Variants in SLC4A3 observed in about 807,000 individuals in gnomAD.
SLC4A3 encodes the protein solute carrier family 4 member 3.
A neutral mutation model predicts 114.2 loss-of-function variants in SLC4A3; 47 were observed. The ratio of observed to expected loss-of-function variants is 0.41; its 90% CI spans 0.33 to 0.52. The LOEUF is 0.52. SLC4A3 is among the 20% of genes least tolerant of loss of function. SLC4A3 has a pLI of 0.21. For synonymous variants in SLC4A3, 693 were observed against 710.3 expected (o/e 0.98, Z 0.39); for missense variants, 1,312 against 1,668.3 (o/e 0.79, Z 3.72).
rs1224500166 is a variant in SLC4A3, at chr2:219,637,333, G to A, written c.2536-248G>A. Among the ~76,000 whole-genome samples, 1 of 151,500 alleles carries A rather than the reference G, an allele frequency of 6.6e-6. No individual in the cohort carries two copies. The highest frequency in any genetic ancestry group is 1.5e-5 in the Non-Finnish European group (1 of 67,862). On this transcript the variant is annotated intron_variant, in intron 16 of 22. Coordinates refer to ENST00000358055, the MANE Select transcript of SLC4A3 (RefSeq NM_005070.4). The surrounding 1 kb of genome is among the most constrained non-coding windows in gnomAD (Gnocchi z 4.6). Reference sequence around the variant, plus strand: ...TGTATGTATGTTGTGTGTGTGGTGTGTATGTGGTATGTTGTGTTTTTTTTG... The same window carrying A: ...TGTATGTATGTTGTGTGTGTGGTGTATATGTGGTATGTTGTGTTTTTTTTG...
chr2:219,630,468 C>T lies in SLC4A3; in HGVS notation c.811+116C>T. 1 of 1,149,350 alleles carries T rather than the reference C, an allele frequency of 8.7e-7. No homozygotes were observed. Among genetic ancestry groups the T allele is most frequent in the South Asian group, 1.6e-5 (1 of 62,820 alleles). The allele number at this position is 1,149,350 out of a possible 1,614,324, so 71.2% of individuals were successfully genotyped here. A position where few individuals can be genotyped will look rare whatever the true frequency, so the allele number is the denominator to read the frequency against. ...CTAAGGGCTGAGTCCTCTCTGAATC[C>T]CTGTCTGCTGGGATGTGGCCAGTGA... On this transcript the variant is annotated intron_variant, in intron 6 of 22. Coordinates refer to ENST00000358055, the MANE Select transcript of SLC4A3 (RefSeq NM_005070.4). This position sits in a 1 kb window ranked among gnomAD's most constrained non-coding sequence, Gnocchi z 6.9.
rs1247178980 is a variant in SLC4A3 at position 219,641,564 on chromosome 2, G to A, written c.3622-87G>A. On this transcript the variant is annotated intron_variant, in intron 22 of 22. Coordinates refer to ENST00000358055, the MANE Select transcript of SLC4A3 (RefSeq NM_005070.4). This position sits in a 1 kb window ranked among gnomAD's most constrained non-coding sequence, Gnocchi z 4.0. Reference sequence around the variant, plus strand: ...GGCCCAGGAAAGGTCAGGGAGCAGGGAGGGCTGCAGGTTGGAGGAGGAGCT... The same window carrying A: ...GGCCCAGGAAAGGTCAGGGAGCAGGAAGGGCTGCAGGTTGGAGGAGGAGCT... 9.4e-7 allele frequency: 1 copy of A among 1,059,936 alleles called. No homozygotes were observed. Among genetic ancestry groups the A allele is most frequent in the East Asian group, 2.4e-5 (1 of 41,908 alleles). 65.7% of individuals were successfully genotyped at this position (1,059,936 alleles called of 1,614,324 possible). A position where few individuals can be genotyped will look rare whatever the true frequency, so the allele number is the denominator to read the frequency against.
chr2:219,633,424 C>G lies in SLC4A3; in HGVS notation c.1428C>G (p.Ala476=). 1 of 1,567,082 alleles carries G rather than the reference C, an allele frequency of 6.4e-7. No homozygotes were observed. The highest frequency in any genetic ancestry group is 8.6e-7 in the Non-Finnish European group (1 of 1,156,480). Residue 476 remains alanine, a synonymous_variant, in exon 10 of 23, where the codon GCC becomes GCG. Coordinates refer to ENST00000358055, the MANE Select transcript of SLC4A3 (RefSeq NM_005070.4). ...PTMADDLGEP[A]PLWPHDPDAK... The stretch of plus-strand genomic sequence containing the variant: ...TGGCTGATGACCTGGGGGAGCCAGC[C>G]CCACTCTGGCCACATGACCCTGACG...
rs1252308430 is a variant in SLC4A3, at chr2:219,641,476, A to C, written c.3622-175A>C. 6.6e-6 allele frequency among the ~76,000 whole-genome samples: 1 copy of C among 152,092 alleles called. No individual in the cohort carries two copies. Among genetic ancestry groups the C allele is most frequent in the Non-Finnish European group, 1.5e-5 (1 of 68,014 alleles). ...GGAGGGGCCAGGTATCTGGTCTGGG[A>C]GGTGACCTGAAGGCTTTGGCCAAGG... On this transcript the variant is annotated intron_variant, in intron 22 of 22. Transcript: ENST00000358055. This position sits in a 1 kb window ranked among gnomAD's most constrained non-coding sequence, Gnocchi z 4.0.
chr2:219,640,073 C>T (rs898569592), intron 20 of SLC4A3, among the ~76,000 whole-genome samples: 8 of 152,108 alleles, frequency 5.3e-5, no homozygotes, highest in Non-Finnish European at 7.4e-5. Context: ...GGACTACAGG[C>T]GCCCGCCACC....
chr2:219,630,220 G>A lies in SLC4A3; in HGVS notation c.679G>A (p.Ala227Thr), dbSNP rs1208395128. Residue 227 changes from alanine (A) to threonine (T), a missense_variant, in exon 6 of 23, where the codon GCC (alanine) becomes ACC (threonine). Ala to Thr is a moderately conservative substitution (Grantham distance 58). Coordinates refer to ENST00000358055, the MANE Select transcript of SLC4A3 (RefSeq NM_005070.4). This position sits in a 1 kb window ranked among gnomAD's most constrained non-coding sequence, Gnocchi z 6.9. The part of the protein sequence containing the change: ...GEKSRPWSPS[A>T]SYDLRERLCP... ...GAAAAGCCGGCCCTGGAGCCCATCG[G>A]CCAGTTATGACCTGCGGGAGCGACT... 2 of 1,611,486 alleles carry A rather than the reference G, an allele frequency of 1.2e-6. No homozygotes were observed. The highest frequency in any genetic ancestry group is 1.1e-5 in the South Asian group (1 of 91,058).
In SLC4A3 at chr2:219,631,339, G is replaced by C. The variant is rs1040117137; in HGVS notation, c.812-629G>C. 16 of 1,304,140 alleles carry C rather than the reference G, an allele frequency of 1.2e-5. No homozygotes were observed. In the African/African-American group the frequency reaches 2.3e-4, roughly 19 times the overall value. 80.8% of individuals were successfully genotyped at this position (1,304,140 alleles called of 1,614,324 possible). A position where few individuals can be genotyped will look rare whatever the true frequency, so the allele number is the denominator to read the frequency against. ...GGCTTTGGGAGGGATCCAGCCCCCA[G>C]TCCTCGAGACTCACTGGCCCCGGAA... On this transcript the variant is annotated intron_variant, in intron 6 of 22. Coordinates refer to ENST00000358055, the MANE Select transcript of SLC4A3 (RefSeq NM_005070.4). The surrounding 1 kb of genome is among the most constrained non-coding windows in gnomAD (Gnocchi z 6.3).
chr2:219,627,955 C>T lies in SLC4A3; in HGVS notation c.-38C>T. 6.3e-7 allele frequency: 1 copy of T among 1,593,482 alleles called. No individual in the cohort carries two copies. On this transcript the variant is annotated 5_prime_UTR_variant, in exon 2 of 23. Transcript: ENST00000358055. ...TCCTTCTCACCTGGGTCTCGGGTCC[C>T]CTAGTGAGCGAGAGCGTCCCCAGCC...
chr2:219,638,901 A>AC lies in SLC4A3; in HGVS notation c.3023+33dup, dbSNP rs762348856. On this transcript the variant is annotated intron_variant, in intron 19 of 22. Transcript: ENST00000358055. This position sits in a 1 kb window ranked among gnomAD's most constrained non-coding sequence, Gnocchi z 7.5. ...GAGATGGGAGGAGGAGGTGGGAGGG[A>AC]CGAGGCCAAGCTCCTTGGCTCCTTG... is the stretch of plus-strand genomic sequence containing the variant. 61 of 1,607,386 alleles carry AC rather than the reference A, an allele frequency of 3.8e-5. 1 individual carries two copies. In the South Asian group the frequency reaches 6.1e-4, roughly 16 times the overall value.
At position 219,635,869 on chromosome 2, in the gene SLC4A3, C is replaced by A; in HGVS notation, c.2169C>A (p.Ala723=). The A allele has an allele frequency of 6.5e-7, 1 of 1,536,512 alleles. No homozygotes were observed. The highest frequency in any genetic ancestry group is 8.7e-7 in the Non-Finnish European group (1 of 1,144,806). The change falls in exon 14 of 23, where the codon GCC becomes GCA. Residue 723 remains alanine, a synonymous_variant. Coordinates refer to ENST00000358055, the MANE Select transcript of SLC4A3 (RefSeq NM_005070.4). Reference sequence around the variant, plus strand: ...TCTACTTCGCAGCCCTCAGCCCTGCCATCACCTTCGGGGGGCTGCTGGGTA... The same window carrying A: ...TCTACTTCGCAGCCCTCAGCCCTGCAATCACCTTCGGGGGGCTGCTGGGTA... ...LFIYFAALSP[A]ITFGGLLGEK...
At position 219,628,767 on chromosome 2, in the gene SLC4A3, G is replaced by T. The variant is rs1429892615; in HGVS notation, c.217+197G>T. 1 of 659,148 alleles carries T rather than the reference G, an allele frequency of 1.5e-6. No individual in the cohort carries two copies. Among genetic ancestry groups the T allele is most frequent in the Admixed American group, 3.0e-5 (1 of 33,048 alleles). 40.8% of individuals were successfully genotyped at this position (659,148 alleles called of 1,614,324 possible). A position where few individuals can be genotyped will look rare whatever the true frequency, so the allele number is the denominator to read the frequency against. On this transcript the variant is annotated intron_variant, in intron 3 of 22. Transcript: ENST00000358055. This position sits in a 1 kb window ranked among gnomAD's most constrained non-coding sequence, Gnocchi z 4.8. ...ATCGCCTGTCCGCCTGCCTGGGGAGGTGGGCCCCAGACCAGGGGAGATCTA... is the reference window on the plus strand; with the variant it reads ...ATCGCCTGTCCGCCTGCCTGGGGAGTTGGGCCCCAGACCAGGGGAGATCTA...
chr2:219,636,768 CCGAAGGCAG>C lies in SLC4A3; in HGVS notation c.2431_2439del (p.Glu811_Ser813del). ...GTCTTCGTCCTTGCCCTGGTGGCCG[CCGAAGGCAG>C]CTTCCTGGTCCGCTACATCTCGCCT... On this transcript the variant is annotated inframe_deletion, in exon 16 of 23. Coordinates refer to ENST00000358055, the MANE Select transcript of SLC4A3 (RefSeq NM_005070.4). This position sits in a 1 kb window ranked among gnomAD's most constrained non-coding sequence, Gnocchi z 5.5. 1 of 1,614,064 alleles carries C rather than the reference CCGAAGGCAG, an allele frequency of 6.2e-7. No homozygotes were observed. Among genetic ancestry groups the C allele is most frequent in the Non-Finnish European group, 8.5e-7 (1 of 1,179,960 alleles).
At chr2:219,640,633 G>C (rs1285036211) in intron 21 of SLC4A3, 34 bp downstream of exon 21, 2 of 1,605,100 alleles carry the variant, frequency 1.2e-6, no homozygotes, top group Admixed American at 3.3e-5. Flanking sequence ...AGGGCAGTGG[G>C]GTGACGGGAA....
In SLC4A3 at chr2:219,637,180, C is replaced by G. The variant is rs1364088745; in HGVS notation, c.2535+306C>G. On this transcript the variant is annotated intron_variant, in intron 16 of 22. Transcript: ENST00000358055. The surrounding 1 kb of genome is among the most constrained non-coding windows in gnomAD (Gnocchi z 4.6). ...TAAGGGGCTGGGTGTCCTTGGGTCA[C>G]CTTTTGTAGAGGAGTGTGTGTGTGT... 6.7e-6 allele frequency among the ~76,000 whole-genome samples: 1 copy of G among 149,132 alleles called. No homozygotes were observed. The highest frequency in any genetic ancestry group is 1.5e-5 in the Non-Finnish European group (1 of 66,964).
At chr2:219,632,786 G>A (rs370711080) in intron 8 of SLC4A3, 88 bp from the exon 9 acceptor site, 430 of 1,546,806 alleles carry the variant, frequency 2.8e-4, no homozygotes, top group South Asian at 3.5e-4. Flanking sequence ...CAGCACATTC[G>A]CATGCTTTTG....
chr2:219,637,692 C>T lies in SLC4A3; in HGVS notation c.2647C>T (p.Pro883Ser), dbSNP rs201418019. ...CAGTGCCCTGCCCCCCACCGAGGGC[C>T]CCCCCAGCCCGAGGAACCAGCCCAA... ...NGSALPPTEG[P>S]PSPRNQPNTA... Residue 883 changes from proline to serine, a missense_variant, in exon 17 of 23, where the codon CCC becomes TCC. Coordinates refer to ENST00000358055, the MANE Select transcript of SLC4A3 (RefSeq NM_005070.4). The surrounding 1 kb of genome is among the most constrained non-coding windows in gnomAD (Gnocchi z 4.6). 162 of 1,611,970 alleles carry T rather than the reference C, an allele frequency of 1.0e-4. No homozygotes were observed. The highest frequency in any genetic ancestry group is 5.1e-6 in the Non-Finnish European group (6 of 1,178,254).
At chr2:219,632,592 C>T (rs1421422227) in intron 8 of SLC4A3, 150 bp downstream of exon 8, 11 of 1,007,142 alleles carry the variant, frequency 1.1e-5, no homozygotes, top group African/African-American at 3.3e-5. Flanking sequence ...CTGGGCAGCC[C>T]GTGAGCCCCG....
Position 219,641,921 on chromosome 2 carries a change from C to T in SLC4A3, c.*193C>T. On this transcript the variant is annotated 3_prime_UTR_variant, in exon 23 of 23. Transcript: ENST00000358055. The surrounding 1 kb of genome is among the most constrained non-coding windows in gnomAD (Gnocchi z 4.0). ...TTGACCTCGCCTCACCTTTCACAGACCAGACCGGCACAGGCTTTGAGCTCA... is the reference window on the plus strand; with the variant it reads ...TTGACCTCGCCTCACCTTTCACAGATCAGACCGGCACAGGCTTTGAGCTCA... The T allele has an allele frequency of 3.5e-6, 2 of 573,902 alleles. No individual in the cohort carries two copies. Among genetic ancestry groups the T allele is most frequent in the Non-Finnish European group, 3.1e-6 (1 of 320,558 alleles). The allele number at this position is 573,902 out of a possible 1,614,324, so 35.6% of individuals were successfully genotyped here.
Position 219,631,397 on chromosome 2 carries a change from T to A in SLC4A3, c.812-571T>A, listed in dbSNP as rs1008773993. 9 of 1,304,252 alleles carry A rather than the reference T, an allele frequency of 6.9e-6. No individual in the cohort carries two copies. The African/African-American group carries it at 1.4e-4, about 20-fold the overall frequency. The allele number at this position is 1,304,252 out of a possible 1,614,324, so 80.8% of individuals were successfully genotyped here. On this transcript the variant is annotated intron_variant, in intron 6 of 22. Coordinates refer to ENST00000358055, the MANE Select transcript of SLC4A3 (RefSeq NM_005070.4). This position sits in a 1 kb window ranked among gnomAD's most constrained non-coding sequence, Gnocchi z 6.3. ...AGATGTTTGTGCTGGACTTTGAGGATGGTGACCTGTGGGAGTCCATCAGGG... is the reference window on the plus strand; with the variant it reads ...AGATGTTTGTGCTGGACTTTGAGGAAGGTGACCTGTGGGAGTCCATCAGGG...
Sources: allele counts gnomAD v4.1 joint callset (sites outside exome capture counted in the v4.1 genomes callset), GRCh38; gene constraint gnomAD v4.1.1; non-coding constraint Gnocchi (gnomAD v3.1); transcripts MANE v1.5; gene names NCBI Gene and HGNC (gene_info 2026-07-23, HGNC 2026-07-21).